Variants in CELF1 observed in about 807,000 individuals in gnomAD.
CELF1 encodes 50 kDa nuclear polyadenylated RNA-binding protein.
Under a neutral mutation model 61.8 loss-of-function variants are expected in CELF1, and 10 were observed. The observed-to-expected ratio is 0.16, with a 90% CI of 0.10 to 0.27. CELF1 has a LOEUF of 0.27. Among genes scored for constraint, CELF1 ranks in the 10% least tolerant of loss-of-function variants. CELF1 has a pLI of 1.00. For synonymous variants in CELF1, 236 were observed against 225.1 expected (o/e 1.05, Z -0.43); for missense variants, 380 against 639.1 (o/e 0.59, Z 4.37).
intron 1 of CELF1, among the ~76,000 whole-genome samples, chr11:47,520,594 G>C (rs1467609727): frequency 6.6e-6 from 1 of 151,662 alleles, no homozygotes; most frequent in Non-Finnish European, 1.5e-5. Context: ...GATCACTTGA[G>C]CTCAGGAGTT....
chr11:47,513,674 C>CTCGAT (rs2095374556), intron 1 of CELF1: 1 of 151,752 alleles, frequency 6.6e-6, no homozygotes, highest in South Asian at 2.1e-4. Context: ...CCAGGATGGT[C>CTCGAT]TCGATCTCCT....
chr11:47,532,290 T>C (rs1276326624), intron 1 of CELF1, among the ~76,000 whole-genome samples: 1 of 152,198 alleles, frequency 6.6e-6, no homozygotes, highest in Non-Finnish European at 1.5e-5. Context: ...CCTCCCAAAG[T>C]GCTGGGATTA....
rs1313836759 is a variant in CELF1, at chr11:47,469,025, G to C, written c.*3205C>G. ...AAATGAGGTGGGCGGGCAGGGGTTGGGTAATGACAGGGAACTTTTGCACAT... is the reference window on the plus strand; with the variant it reads ...AAATGAGGTGGGCGGGCAGGGGTTGCGTAATGACAGGGAACTTTTGCACAT... On this transcript the variant is annotated 3_prime_UTR_variant, in exon 15 of 15. Coordinates refer to ENST00000687097, the MANE Select transcript of CELF1 (RefSeq NM_001376376.1). 6.6e-6 allele frequency: 1 copy of C among 152,242 alleles called. No individual in the cohort carries two copies. Among genetic ancestry groups the C allele is most frequent in the African/African-American group, 2.4e-5 (1 of 41,424 alleles). The allele number at this position is 152,242 out of a possible 1,614,324, so 9.4% of individuals were successfully genotyped here.
intron 3 of CELF1, among the ~76,000 whole-genome samples, chr11:47,493,731 G>A (rs1232045665): frequency 6.6e-6 from 1 of 152,040 alleles, no homozygotes; most frequent in African/African-American, 2.4e-5. Flanking sequence ...GAGTGGGGGT[G>A]GGGAGAGATA....
At chr11:47,563,075 G>A (rs2097231670) in intron 2 of CELF1, among the ~76,000 whole-genome samples, 2 of 151,982 alleles carry the variant, frequency 1.3e-5, no homozygotes, top group African/African-American at 4.8e-5. Context: ...AATTAGCCAG[G>A]TATCGTGGCA....
chr11:47,477,507 G>A, intron 10 of CELF1, 82 bp from the exon 11 acceptor site: 1 of 1,463,196 alleles, frequency 6.8e-7, no homozygotes, highest in Non-Finnish European at 9.4e-7. Flanking sequence ...CACACTGGCA[G>A]AGGGCTGGTC....
intron 1 of CELF1, among the ~76,000 whole-genome samples, chr11:47,521,121 G>A (rs922314269): frequency 9.9e-5 from 15 of 151,772 alleles, no homozygotes; most frequent in Non-Finnish European, 1.5e-4. Flanking sequence ...GCATAGTGGC[G>A]GGCGCCTGTA....
chr11:47,486,872 A>G (rs2087638293), intron 5 of CELF1, 74 bp from the exon 6 acceptor site: 4 of 1,137,270 alleles, frequency 3.5e-6, no homozygotes, highest in Non-Finnish European at 5.3e-6. Context: ...ACTCTAAAAT[A>G]CCAGAACTAG....
intron 2 of CELF1, among the ~76,000 whole-genome samples, chr11:47,561,788 G>T (rs1372304403): frequency 6.6e-6 from 1 of 152,136 alleles, no homozygotes; most frequent in Non-Finnish European, 1.5e-5. Flanking sequence ...ACTGATAAAT[G>T]GAGAAAAACA....
rs2077764354 is a variant in CELF1, at chr11:47,471,761, T to C, written c.*469A>G. On this transcript the variant is annotated 3_prime_UTR_variant, in exon 15 of 15. Coordinates refer to ENST00000687097, the MANE Select transcript of CELF1 (RefSeq NM_001376376.1). ...AGCTCCCAGGTGTCAGTTCTCATTCTACCCACCCTCACACTAAGAGAGGTT... is the reference window on the plus strand; with the variant it reads ...AGCTCCCAGGTGTCAGTTCTCATTCCACCCACCCTCACACTAAGAGAGGTT... 1 of 154,476 alleles carries C rather than the reference T, an allele frequency of 6.5e-6. No homozygotes were observed. The highest frequency in any genetic ancestry group is 2.0e-4 in the South Asian group (1 of 5,010). The allele number at this position is 154,476 out of a possible 1,614,324, so 9.6% of individuals were successfully genotyped here.
At chr11:47,534,022 C>CTTTTTTTTTTTT (rs71042679) in intron 1 of CELF1, among the ~76,000 whole-genome samples, 2 of 87,584 alleles carry the variant, frequency 2.3e-5, no homozygotes, top group Non-Finnish European at 4.2e-5. Flanking sequence ...TTTTTCTTTC[C>CTTTTTTTTTTTT]TTTTTTTTTT....
intron 1 of CELF1, among the ~76,000 whole-genome samples, chr11:47,508,586 A>C (rs1038921090): frequency 8.6e-5 from 10 of 115,894 alleles, no homozygotes; most frequent in Admixed American, 1.7e-4. Flanking sequence ...AAAAAAAAAA[A>C]CCCAAAAGAA....
At chr11:47,548,851 G>A (rs2097056013) in intron 1 of CELF1, among the ~76,000 whole-genome samples, 1 of 122,292 alleles carries the variant, frequency 8.2e-6, no homozygotes, top group Admixed American at 9.9e-5. Flanking sequence ...GGGCAACAGA[G>A]CAAGACTCCA....
chr11:47,485,484 C>G (rs537952598), intron 6 of CELF1, among the ~76,000 whole-genome samples: 3 of 152,262 alleles, frequency 2.0e-5, no homozygotes, highest in Non-Finnish European at 4.4e-5. Context: ...ATTGTTTGCT[C>G]TTACTGGCAA....
At chr11:47,533,911 T>C (rs2096559485) in intron 1 of CELF1, among the ~76,000 whole-genome samples, 1 of 151,776 alleles carries the variant, frequency 6.6e-6, no homozygotes, top group Non-Finnish European at 1.5e-5. Flanking sequence ...CCCCTCCCTC[T>C]TCATAAAAGC....
intron 10 of CELF1, among the ~76,000 whole-genome samples, chr11:47,478,311 G>C (rs969920794): frequency 6.6e-6 from 1 of 152,230 alleles, no homozygotes; most frequent in African/African-American, 2.4e-5. Context: ...CAGCTTTGAA[G>C]CTGTCCCATG....
chr11:47,501,329 T>C (rs1275265050), intron 1 of CELF1, among the ~76,000 whole-genome samples: 1 of 152,158 alleles, frequency 6.6e-6, no homozygotes, highest in Non-Finnish European at 1.5e-5. Context: ...AGGCAGAAGA[T>C]GGTAACCCTA....
upstream of CELF1, among the ~76,000 whole-genome samples, chr11:47,554,850 C>T (rs865859001): frequency 1.3e-5 from 2 of 151,882 alleles, no homozygotes; most frequent in Admixed American, 6.6e-5. Context: ...TTAGTGGAGA[C>T]GGGGTTTCAA....
chr11:47,541,133 A>T (rs1014590936), intron 1 of CELF1, among the ~76,000 whole-genome samples: 1 of 152,220 alleles, frequency 6.6e-6, no homozygotes, highest in Non-Finnish European at 1.5e-5. Context: ...CAACTGGAAA[A>T]AGCGTACAGC....
Sources: allele counts gnomAD v4.1 joint callset (sites outside exome capture counted in the v4.1 genomes callset), GRCh38; gene constraint gnomAD v4.1.1; transcripts MANE v1.5; gene names NCBI Gene and HGNC (gene_info 2026-07-23, HGNC 2026-07-21).